The following METTL25 variants were observed in gnomAD, a reference collection of about 807,000 sequenced individuals.
METTL25 encodes the protein methyltransferase like 25, also known as probable methyltransferase-like protein 25.
METTL25 carries 64 observed loss-of-function variants against 71.6 expected under a neutral mutation model. The observed-to-expected ratio is 0.89, with a 90% CI of 0.73 to 1.10. The LOEUF is 1.10. Among genes scored for constraint, METTL25 ranks in the 50% least tolerant of loss-of-function variants. The pLI, the probability that METTL25 is intolerant of heterozygous loss-of-function variation, is 0.00. For synonymous variants in METTL25, 287 were observed against 250.3 expected (o/e 1.15, Z -1.38); for missense variants, 807 against 707.0 (o/e 1.14, Z -1.60).
In METTL25 at chr12:82,430,904, G is replaced by A. The variant is rs1889431147; in HGVS notation, c.1291G>A (p.Glu431Lys). The change falls in exon 6 of 12, where the codon GAA becomes AAA. Residue 431 changes from glutamate to lysine, a missense_variant. Coordinates refer to ENST00000248306, the MANE Select transcript of METTL25 (RefSeq NM_032230.3). ...FENQHKERTQ[E>K]KWGFPMCHYL... ...TCCCCCATCTGCAGAACGTACTCAG[G>A]AAAAGTGGGGATTTCCAATGTGCCA... The A allele has an allele frequency of 6.3e-7, 1 of 1,587,342 alleles. No individual in the cohort carries two copies. Among genetic ancestry groups the A allele is most frequent in the Non-Finnish European group, 8.6e-7 (1 of 1,162,154 alleles).
chr12:82,412,430 C>A (rs958743466), intron 5 of METTL25, among the ~76,000 whole-genome samples: 16 of 151,982 alleles, frequency 1.1e-4, no homozygotes, highest in African/African-American at 3.6e-4. Context: ...TTTCCTCATT[C>A]CATTGTGCAA....
intron 5 of METTL25, among the ~76,000 whole-genome samples, chr12:82,416,359 A>G (rs1397502299): frequency 6.6e-6 from 1 of 151,818 alleles, no homozygotes; most frequent in Non-Finnish European, 1.5e-5. Context: ...TTCTGGTTAT[A>G]CTATTTTAAG....
rs368965125 is a variant in METTL25 at position 82,403,841 on chromosome 12, G to T, written c.1279+711G>T. Among the ~76,000 whole-genome samples, 32 of 152,198 alleles carry T rather than the reference G, an allele frequency of 2.1e-4. No individual in the cohort carries two copies. The East Asian group carries it at 6.0e-3, about 29-fold the overall frequency. ...CTGGTTCAGATTAGATGGTTATTTA[G>T]TATACTAATAATAGTAGTTCGTTTT... On this transcript the variant is annotated intron_variant, in intron 5 of 11. Coordinates refer to ENST00000248306, the MANE Select transcript of METTL25 (RefSeq NM_032230.3).
At chr12:82,387,713 G>GCT (rs1314906771) in intron 2 of METTL25, among the ~76,000 whole-genome samples, 1 of 30,168 alleles carries the variant, frequency 3.3e-5, no homozygotes, top group African/African-American at 6.2e-5. Flanking sequence ...ACACACACAC[G>GCT]CGCACACACA....
At chr12:82,397,643 T>A (rs555498562) in intron 3 of METTL25, among the ~76,000 whole-genome samples, 1 of 152,150 alleles carries the variant, frequency 6.6e-6, no homozygotes, top group African/African-American at 2.4e-5. Flanking sequence ...AAAATTTTTT[T>A]TCTTTTTTTT....
intron 5 of METTL25, 118 bp from the exon 6 acceptor site, chr12:82,430,775 T>C: frequency 1.8e-6 from 1 of 554,442 alleles, no homozygotes. Flanking sequence ...ACCATTTCCA[T>C]GTTTAACTAC....
At chr12:82,362,274 G>A (rs1882034926) in intron 1 of METTL25, among the ~76,000 whole-genome samples, 1 of 152,148 alleles carries the variant, frequency 6.6e-6, no homozygotes. Flanking sequence ...TCTTTTCAGT[G>A]CATAAATTAT....
intron 1 of METTL25, among the ~76,000 whole-genome samples, chr12:82,377,544 T>G (rs1158825241): frequency 6.6e-6 from 1 of 152,188 alleles, no homozygotes; most frequent in Non-Finnish European, 1.5e-5. Flanking sequence ...AGAGTAAAGT[T>G]TAGTTTTTTA....
intron 5 of METTL25, among the ~76,000 whole-genome samples, chr12:82,417,751 C>A (rs897620738): frequency 3.3e-5 from 5 of 152,078 alleles, no homozygotes; most frequent in Non-Finnish European, 5.9e-5. Flanking sequence ...TCTAGTACAT[C>A]AGATGGTGAT....
intron 11 of METTL25, among the ~76,000 whole-genome samples, chr12:82,477,981 A>G (rs955636535): frequency 1.3e-5 from 2 of 151,862 alleles, no homozygotes; most frequent in Non-Finnish European, 3.0e-5. Flanking sequence ...TTATTTTGTC[A>G]TATGGGGAGC....
intron 1 of METTL25, among the ~76,000 whole-genome samples, chr12:82,373,569 A>G (rs947621499): frequency 1.3e-5 from 2 of 152,172 alleles, no homozygotes; most frequent in Admixed American, 1.3e-4. Context: ...AGTTTGTCTG[A>G]CAGGCATTAG....
In METTL25 at chr12:82,373,043, C is replaced by T. The variant is rs112677852; in HGVS notation, c.260-13760C>T. ...GCATTCTCGAAAACCTGCACCCTTG[C>T]GTGTCCTCCTAGACCACAAAGAGGC... On this transcript the variant is annotated intron_variant, in intron 1 of 11. Coordinates refer to ENST00000248306, the MANE Select transcript of METTL25 (RefSeq NM_032230.3). Among the ~76,000 whole-genome samples the T allele has an allele frequency of 2.7e-3, 415 of 152,266 alleles. 3 individuals carry two copies. The highest frequency in any genetic ancestry group is 9.3e-3 in the African/African-American group (386 of 41,554).
intron 1 of METTL25, among the ~76,000 whole-genome samples, chr12:82,360,906 G>C (rs1042144144): frequency 6.6e-6 from 1 of 152,158 alleles, no homozygotes; most frequent in South Asian, 2.1e-4. Flanking sequence ...TGGCGGGTTC[G>C]TGGTCTCGCT....
At position 82,365,132 on chromosome 12, in the gene METTL25, G is replaced by A. The variant is rs143841742; in HGVS notation, c.259+6308G>A. 3.9e-3 allele frequency among the ~76,000 whole-genome samples: 595 copies of A among 152,140 alleles called. 3 individuals are homozygous for A. Among genetic ancestry groups the A allele is most frequent in the African/African-American group, 0.014 (569 of 41,526 alleles). Reference sequence around the variant, plus strand: ...GATCTAATAAAGAGTCTTATTGAAGGCACTCCTTGCACATACCTAGTACTC... The same window carrying A: ...GATCTAATAAAGAGTCTTATTGAAGACACTCCTTGCACATACCTAGTACTC... On this transcript the variant is annotated intron_variant, in intron 1 of 11. Transcript: ENST00000248306.
intron 9 of METTL25, among the ~76,000 whole-genome samples, chr12:82,463,225 A>C (rs112852427): frequency 6.6e-6 from 1 of 151,966 alleles, no homozygotes; most frequent in African/African-American, 2.4e-5. Context: ...TCTATAATGC[A>C]CTTCCCCCTA....
At chr12:82,367,656 CA>C (rs1555200795) in intron 1 of METTL25, among the ~76,000 whole-genome samples, 1 of 152,160 alleles carries the variant, frequency 6.6e-6, no homozygotes, top group Non-Finnish European at 1.5e-5. Flanking sequence ...GTATTTCATT[CA>C]TGTTGCCACT....
chr12:82,414,111 G>C (rs1448416676), intron 5 of METTL25, among the ~76,000 whole-genome samples: 1 of 152,002 alleles, frequency 6.6e-6, no homozygotes, highest in East Asian at 1.9e-4. Context: ...GCTAGTGTAG[G>C]TATTGTTCTT....
intron 5 of METTL25, among the ~76,000 whole-genome samples, chr12:82,422,809 G>C (rs563539197): frequency 1.3e-3 from 204 of 152,190 alleles, no homozygotes; most frequent in African/African-American, 4.8e-3. Context: ...GCTTCAAAGA[G>C]AATAAAATAC....
chr12:82,395,471 T>A (rs1317785815), intron 3 of METTL25, among the ~76,000 whole-genome samples: 1 of 152,014 alleles, frequency 6.6e-6, no homozygotes, highest in Non-Finnish European at 1.5e-5. Flanking sequence ...GATGAGATCA[T>A]GGATTTGCTC....
Sources: gnomAD v4.1 joint callset for allele counts (sites outside exome capture counted in the v4.1 genomes callset) on GRCh38, gnomAD v4.1.1 for gene constraint, MANE v1.5 for transcripts, NCBI Gene and HGNC (gene_info 2026-07-23, HGNC 2026-07-21) for gene names.